The following NOS1 variants were observed in gnomAD, a reference collection of about 807,000 sequenced individuals.
The protein encoded by NOS1 is NOS type I.
In NOS1, 51 loss-of-function variants were observed where a neutral mutation model predicts 164.5. That is an observed-to-expected ratio of 0.31 (90% CI 0.25 to 0.39). The LOEUF (loss-of-function observed/expected upper bound fraction) is 0.39. NOS1 is among the 10% of genes least tolerant of loss of function. The pLI, the probability that NOS1 is intolerant of heterozygous loss-of-function variation, is 1.00. For missense variants in NOS1, 1,362 were observed against 1,885.6 expected (o/e 0.72, Z 5.14); for synonymous variants, 719 against 745.8 (o/e 0.96, Z 0.59).
intron 1 of NOS1, among the ~76,000 whole-genome samples, chr12:117,344,571 CTCAAG>C (rs1309000955): frequency 1.3e-5 from 2 of 152,168 alleles, no homozygotes; most frequent in Admixed American, 1.3e-4. Flanking sequence ...GTGGTGGGGA[CTCAAG>C]TCAAGTTTGT....
At chr12:117,307,317 CTT>C (rs773491508) in intron 3 of NOS1, among the ~76,000 whole-genome samples, 95 of 152,222 alleles carry the variant, frequency 6.2e-4, no homozygotes, top group Non-Finnish European at 1.3e-3. Flanking sequence ...AAAAGAAAGA[CTT>C]TTGTGTGTGT....
rs912465104 is a variant in NOS1 at position 117,330,742 on chromosome 12, T to C, written c.328A>G (p.Thr110Ala). ...TTGGGGGTCCCATCACCTGTAAAGG[T>C]GGTCTCCAGGTGCGTGGTGAAACCT... is the stretch of plus-strand genomic sequence containing the variant. ...PEGFTTHLETTFTGDGTPKTI... is the reference protein window; with the variant it reads ...PEGFTTHLETAFTGDGTPKTI... Residue 110 changes from threonine to alanine, a missense_variant, in exon 2 of 29, where the codon ACC (threonine) becomes GCC (alanine). Coordinates refer to ENST00000317775, the MANE Select transcript of NOS1 (RefSeq NM_000620.5). The surrounding 1 kb of genome is among the most constrained non-coding windows in gnomAD (Gnocchi z 4.6). 4 of 1,613,938 alleles carry C rather than the reference T, an allele frequency of 2.5e-6. No individual in the cohort carries two copies. The highest frequency in any genetic ancestry group is 3.4e-6 in the Non-Finnish European group (4 of 1,179,948).
intron 7 of NOS1, among the ~76,000 whole-genome samples, chr12:117,284,536 G>T (rs10744891): frequency 0.41 from 62,868 of 151,980 alleles, 13,389 homozygotes; most frequent in Admixed American, 0.51. Context: ...GGGAGATTTG[G>T]TTTGGTTTGT....
intron 21 of NOS1, among the ~76,000 whole-genome samples, chr12:117,233,477 C>T (rs1869435474): frequency 6.6e-6 from 1 of 151,912 alleles, no homozygotes; most frequent in Admixed American, 6.6e-5. Flanking sequence ...GGATTACAGG[C>T]GTCAGCCACC....
chr12:117,316,181 G>A (rs1004141055), intron 2 of NOS1, among the ~76,000 whole-genome samples: 1 of 152,130 alleles, frequency 6.6e-6, no homozygotes, highest in African/African-American at 2.4e-5. Flanking sequence ...ACCTATTAAT[G>A]TCTCCAAAGA....
At chr12:117,321,094 C>T (rs990019034) in intron 2 of NOS1, among the ~76,000 whole-genome samples, 3 of 152,220 alleles carry the variant, frequency 2.0e-5, no homozygotes, top group Admixed American at 6.5e-5. Context: ...ACGGCAGCCT[C>T]TGCCTCCCGA....
intron 1 of NOS1, among the ~76,000 whole-genome samples, chr12:117,350,461 T>C (rs1321546592): frequency 1.3e-5 from 2 of 152,246 alleles, no homozygotes; most frequent in African/African-American, 2.4e-5. Flanking sequence ...TAAGTTGCAA[T>C]GCCCTGGAAC....
chr12:117,267,785 C>A (rs1026398780), intron 11 of NOS1, among the ~76,000 whole-genome samples: 4 of 152,108 alleles, frequency 2.6e-5, no homozygotes, highest in African/African-American at 9.7e-5. Flanking sequence ...TGTTTGAATT[C>A]TAAAGAACTC....
intron 10 of NOS1, among the ~76,000 whole-genome samples, chr12:117,270,721 T>C (rs753867111): frequency 1.3e-5 from 2 of 152,174 alleles, no homozygotes; most frequent in African/African-American, 4.8e-5. Context: ...TTTTCCTTCC[T>C]GCTAGAAGTT....
intron 26 of NOS1, among the ~76,000 whole-genome samples, chr12:117,222,502 C>T (rs1956723712): frequency 6.6e-6 from 1 of 152,174 alleles, no homozygotes; most frequent in Non-Finnish European, 1.5e-5. Context: ...GATCCACCTG[C>T]CTTGGCCTCC....
At chr12:117,240,478 C>T (rs1870075479) in intron 20 of NOS1, among the ~76,000 whole-genome samples, 1 of 152,204 alleles carries the variant, frequency 6.6e-6, no homozygotes, top group Non-Finnish European at 1.5e-5. Context: ...ATTTTTAATA[C>T]TCAGCAGCCT....
chr12:117,210,903 G>C lies in NOS1; in HGVS notation c.*4406C>G, dbSNP rs1328015247. On this transcript the variant is annotated 3_prime_UTR_variant, in exon 29 of 29. Coordinates refer to ENST00000317775, the MANE Select transcript of NOS1 (RefSeq NM_000620.5). ...GAAAACTCATCTTTTCCCTGAGCCT[G>C]CTCTTCAGAGACCTCTCTCTCAGCT... The C allele has an allele frequency of 1.0e-6, 1 of 985,244 alleles. No individual in the cohort carries two copies. Among genetic ancestry groups the C allele is most frequent in the Non-Finnish European group, 1.2e-6 (1 of 829,908 alleles). The allele number at this position is 985,244 out of a possible 1,614,324, so 61.0% of individuals were successfully genotyped here. A position where few individuals can be genotyped will look rare whatever the true frequency, so the allele number is the denominator to read the frequency against.
intron 1 of NOS1, among the ~76,000 whole-genome samples, chr12:117,351,736 T>C (rs754634896): frequency 6.6e-6 from 1 of 152,256 alleles, no homozygotes; most frequent in South Asian, 2.1e-4. Context: ...GAATTATTCC[T>C]GTGTTTACAG....
At chr12:117,359,576 T>G (rs576841156) in intron 1 of NOS1, among the ~76,000 whole-genome samples, 4 of 152,036 alleles carry the variant, frequency 2.6e-5, no homozygotes, top group Non-Finnish European at 4.4e-5. Context: ...GAGGCGCCTA[T>G]GGGCGCGCTC....
chr12:117,240,094 G>T (rs1167844808), intron 20 of NOS1, among the ~76,000 whole-genome samples: 1 of 152,116 alleles, frequency 6.6e-6, no homozygotes, highest in East Asian at 1.9e-4. Flanking sequence ...ATAGTTTGTT[G>T]CTGAAAGAAA....
In NOS1 at chr12:117,290,368, C is replaced by T. The variant is rs1221421201; in HGVS notation, c.911G>A (p.Arg304His). Reference sequence around the variant, plus strand: ...CTCCCAGTTCTTGACCTTGAGGAAGCGTGGACACTTGGAGGGGCTGCCATT... The same window carrying T: ...CTCCCAGTTCTTGACCTTGAGGAAGTGTGGACACTTGGAGGGGCTGCCATT... ...TKNGSPSKCP[R>H]FLKVKNWETE... The change falls in exon 4 of 29, where the codon CGC (arginine) becomes CAC (histidine). Residue 304 changes from arginine to histidine, a missense_variant. By Grantham distance (29) the Arg-to-His change is conservative. Coordinates refer to ENST00000317775, the MANE Select transcript of NOS1 (RefSeq NM_000620.5). The T allele has an allele frequency of 9.9e-6, 16 of 1,613,728 alleles. No individual in the cohort carries two copies. The highest frequency in any genetic ancestry group is 5.0e-5 in the Admixed American group (3 of 59,984).
intron 26 of NOS1, among the ~76,000 whole-genome samples, chr12:117,220,820 A>G (rs1207836204): frequency 6.6e-6 from 1 of 152,102 alleles, no homozygotes; most frequent in Admixed American, 6.5e-5. Context: ...AGGTGGGCAC[A>G]AGGCGTGTCC....
chr12:117,249,309 C>G (rs111420655), intron 17 of NOS1, among the ~76,000 whole-genome samples: 726 of 152,300 alleles, frequency 4.8e-3, no homozygotes, highest in African/African-American at 0.017. Context: ...CTTTTGGTCT[C>G]TTCTAAGTAT....
intron 13 of NOS1, among the ~76,000 whole-genome samples, chr12:117,261,723 C>A (rs9658416): frequency 0.011 from 1,744 of 152,136 alleles, 23 homozygotes; most frequent in African/African-American, 0.04. Flanking sequence ...GAGGCTGAGG[C>A]GGGAGGATCA....
Sources: gnomAD v4.1 joint callset for allele counts (sites outside exome capture counted in the v4.1 genomes callset) on GRCh38, gnomAD v4.1.1 for gene constraint, Gnocchi (gnomAD v3.1) non-coding constraint, MANE v1.5 for transcripts, NCBI Gene and HGNC (gene_info 2026-07-23, HGNC 2026-07-21) for gene names.